Variants in CEP128 observed in about 807,000 individuals in gnomAD.
The protein encoded by CEP128 is centrosomal protein 128kDa.
Under a neutral mutation model 156.7 loss-of-function variants are expected in CEP128, and 132 were observed. The observed-to-expected ratio is 0.84, with a 90% CI of 0.73 to 0.97. CEP128 has a LOEUF of 0.97. Among genes scored for constraint, CEP128 ranks in the 50% least tolerant of loss-of-function variants. CEP128 has a pLI of 0.00. For missense variants in CEP128, 1,252 were observed against 1,281.9 expected, an observed-to-expected ratio of 0.98 and a Z score of 0.36; for synonymous variants, 469 against 448.9, an observed-to-expected ratio of 1.04 and a Z score of -0.57.
intron 19 of CEP128, among the ~76,000 whole-genome samples, chr14:80,739,432 C>T (rs1040797013): frequency 1.3e-5 from 2 of 152,158 alleles, no homozygotes; most frequent in Non-Finnish European, 2.9e-5. Context: ...CTTTTGACCT[C>T]ATCCACCCGT....
At chr14:80,915,104 C>A (rs778691844) in intron 3 of CEP128, among the ~76,000 whole-genome samples, 1 of 152,088 alleles carries the variant, frequency 6.6e-6, no homozygotes. Flanking sequence ...CAGGCTGGAG[C>A]GAAGTGGCAT....
intron 4 of CEP128, 34 bp from the exon 5 acceptor site, chr14:80,906,115 T>A: frequency 6.7e-7 from 1 of 1,483,272 alleles, no homozygotes; most frequent in Non-Finnish European, 9.0e-7. Flanking sequence ...GAAGCGTTAT[T>A]CTTCTTAAAC....
chr14:80,553,642 C>T (rs1890306520), intron 21 of CEP128, among the ~76,000 whole-genome samples: 1 of 152,136 alleles, frequency 6.6e-6, no homozygotes, highest in Admixed American at 6.6e-5. Flanking sequence ...CTATAAAGCA[C>T]TTGTAATTCT....
intron 13 of CEP128, among the ~76,000 whole-genome samples, chr14:80,797,035 G>A (rs945191721): frequency 6.6e-6 from 1 of 152,176 alleles, no homozygotes; most frequent in African/African-American, 2.4e-5. Context: ...ACTGATAGAT[G>A]TCTAAAAGAT....
chr14:80,825,404 C>T (rs1885418972), intron 13 of CEP128, among the ~76,000 whole-genome samples: 1 of 152,196 alleles, frequency 6.6e-6, no homozygotes, highest in African/African-American at 2.4e-5. Flanking sequence ...CCATCATGCC[C>T]AGCCCTATTT....
chr14:80,527,021 T>C (rs559169851), intron 22 of CEP128, 39 bp from the exon 23 acceptor site: 5 of 931,670 alleles, frequency 5.4e-6, no homozygotes, highest in South Asian at 1.4e-5. Flanking sequence ...AACTGGTAGA[T>C]GAAAGAAAAT....
chr14:80,525,399 T>G (rs1435317854), intron 23 of CEP128, among the ~76,000 whole-genome samples: 1 of 152,208 alleles, frequency 6.6e-6, no homozygotes, highest in Non-Finnish European at 1.5e-5. Flanking sequence ...ATCACGCCTA[T>G]CTGAGAGGAT....
intron 19 of CEP128, among the ~76,000 whole-genome samples, chr14:80,647,037 GTATATATATATATATATATATATATATA>G (rs60895994): frequency 0.096 from 6,650 of 69,562 alleles, 756 homozygotes; most frequent in African/African-American, 0.13. Context: ...ATGTGTGCAT[GTATATATATATATATATATATATATATA>G]TATATATATA....
chr14:80,557,624 C>T (rs756942262), intron 21 of CEP128, among the ~76,000 whole-genome samples: 3 of 152,140 alleles, frequency 2.0e-5, no homozygotes, highest in Non-Finnish European at 2.9e-5. Flanking sequence ...TGTCATCATA[C>T]TGAAACTGAG....
intron 19 of CEP128, among the ~76,000 whole-genome samples, chr14:80,582,797 T>C (rs1891645931): frequency 1.3e-5 from 2 of 152,134 alleles, no homozygotes; most frequent in South Asian, 4.1e-4. Context: ...ATCACTCCTG[T>C]GTTCCTATGA....
intron 19 of CEP128, among the ~76,000 whole-genome samples, chr14:80,663,114 C>A (rs1166583938): frequency 1.3e-5 from 2 of 152,138 alleles, no homozygotes; most frequent in Non-Finnish European, 2.9e-5. Flanking sequence ...TTTCACCATG[C>A]TCCTTGCAGT....
At chr14:80,862,167 G>C (rs1003947568) in intron 9 of CEP128, among the ~76,000 whole-genome samples, 1 of 152,122 alleles carries the variant, frequency 6.6e-6, no homozygotes, top group African/African-American at 2.4e-5. Context: ...TTTCTGTAAA[G>C]GGCCAAACTG....
intron 19 of CEP128, among the ~76,000 whole-genome samples, chr14:80,708,691 G>C (rs1374336486): frequency 6.6e-6 from 1 of 152,014 alleles, no homozygotes; most frequent in African/African-American, 2.4e-5. Context: ...CTCCCTGATT[G>C]CCTCTGAATT....
chr14:80,723,943 CA>C (rs1354753289), intron 19 of CEP128, among the ~76,000 whole-genome samples: 6 of 152,170 alleles, frequency 3.9e-5, no homozygotes, highest in Non-Finnish European at 1.5e-5. Flanking sequence ...GAACAGAACA[CA>C]ATCATCCATC....
intron 8 of CEP128, among the ~76,000 whole-genome samples, chr14:80,888,406 G>A (rs1276685524): frequency 6.6e-6 from 1 of 152,146 alleles, no homozygotes; most frequent in Non-Finnish European, 1.5e-5. Flanking sequence ...ACCAAACCCA[G>A]CAGCACATCA....
intron 16 of CEP128, among the ~76,000 whole-genome samples, chr14:80,771,532 C>T (rs1900509274): frequency 6.6e-6 from 1 of 152,162 alleles, no homozygotes. Flanking sequence ...TAAAATGTTA[C>T]TAGGTGTCAC....
At chr14:80,880,902 A>T (rs12587067) in intron 8 of CEP128, among the ~76,000 whole-genome samples, 30 of 136,408 alleles carry the variant, frequency 2.2e-4, no homozygotes, top group East Asian at 9.1e-4. Flanking sequence ...TAATAATAAT[A>T]ATAATAATTT....
At position 80,505,036 on chromosome 14, in the gene CEP128, C is replaced by A; in HGVS notation, c.3073-16G>T. The A allele has an allele frequency of 7.2e-7, 1 of 1,385,492 alleles. No homozygotes were observed. Among genetic ancestry groups the A allele is most frequent in the Non-Finnish European group, 1.0e-6 (1 of 990,334 alleles). The allele number at this position is 1,385,492 out of a possible 1,614,324, so 85.8% of individuals were successfully genotyped here. A position where few individuals can be genotyped will look rare whatever the true frequency, so the allele number is the denominator to read the frequency against. Reference sequence around the variant, plus strand: ...TTCTGTCACCCTAAGGAAAAAAAGGCACAGCATTTCAATGATTACACAAGG... The same window carrying A: ...TTCTGTCACCCTAAGGAAAAAAAGGAACAGCATTTCAATGATTACACAAGG... On this transcript the variant is annotated splice_polypyrimidine_tract_variant and intron_variant, in intron 23 of 24. Transcript: ENST00000555265.
At chr14:80,745,717 A>T in intron 18 of CEP128, among the ~76,000 whole-genome samples, 1 of 152,134 alleles carries the variant, frequency 6.6e-6, no homozygotes, top group Non-Finnish European at 1.5e-5. Context: ...AACAGCTCTC[A>T]TCACTCCTAA....
Sources: allele counts gnomAD v4.1 joint callset (sites outside exome capture counted in the v4.1 genomes callset), GRCh38; gene constraint gnomAD v4.1.1; transcripts MANE v1.5; gene names NCBI Gene and HGNC (gene_info 2026-07-23, HGNC 2026-07-21).